Variants in PDE12 observed in about 807,000 individuals in gnomAD.
PDE12 encodes phosphodiesterase 12.
Under a neutral mutation model 45.4 loss-of-function variants are expected in PDE12, and 26 were observed. The ratio of observed to expected loss-of-function variants is 0.57; its 90% CI spans 0.42 to 0.79. The LOEUF is 0.79. Ranked by LOEUF, PDE12 falls within the 30% of genes least tolerant of loss-of-function variation. The pLI, the probability that PDE12 is intolerant of heterozygous loss-of-function variation, is 0.00. For synonymous variants in PDE12, 283 were observed against 323.9 expected (o/e 0.87, Z 1.36); for missense variants, 668 against 790.0 (o/e 0.85, Z 1.85).
the PDE12 span, among the ~76,000 whole-genome samples, chr3:57,603,403 CTT>C: frequency 2.0e-5 from 3 of 150,806 alleles, no homozygotes; most frequent in African/African-American, 7.3e-5. Context: ...AGTGGCATGA[CTT>C]TGGCTCACTA....
the PDE12 span, among the ~76,000 whole-genome samples, chr3:57,603,466 T>C: frequency 6.6e-6 from 1 of 151,452 alleles, no homozygotes; most frequent in Non-Finnish European, 1.5e-5. Flanking sequence ...GCCTCAAGAG[T>C]AGCTGGGACT....
At position 57,561,108 on chromosome 3, in the gene PDE12, G is replaced by C; in HGVS notation, c.*1104G>C. The C allele has an allele frequency of 4.1e-6, 4 of 984,572 alleles. No individual in the cohort carries two copies. The highest frequency in any genetic ancestry group is 4.8e-6 in the Non-Finnish European group (4 of 828,804). 61.0% of individuals were successfully genotyped at this position (984,572 alleles called of 1,614,324 possible). A position where few individuals can be genotyped will look rare whatever the true frequency, so the allele number is the denominator to read the frequency against. The stretch of plus-strand genomic sequence containing the variant: ...CACAATTTAGTATTCAAAGTGAGTA[G>C]CAACATATTCAACTTGATCCCATTG... On this transcript the variant is annotated 3_prime_UTR_variant, in exon 3 of 3. Transcript: ENST00000311180.
chr3:57,612,396 A>T, the PDE12 span, among the ~76,000 whole-genome samples: 10 of 152,140 alleles, frequency 6.6e-5, no homozygotes, highest in Non-Finnish European at 8.8e-5. Context: ...ATAATAATAA[A>T]AAAAGATGTA....
chr3:57,558,761 A>AGCACT (rs1437089357), intron 1 of PDE12, among the ~76,000 whole-genome samples: 2 of 150,982 alleles, frequency 1.3e-5, no homozygotes, highest in Admixed American at 1.3e-4. Flanking sequence ...AAGTGCTGGG[A>AGCACT]TTACAGGCGT....
In PDE12 at chr3:57,560,481, A is replaced by G. The variant is rs2069717320; in HGVS notation, c.*477A>G. 4.9e-6 allele frequency: 2 copies of G among 409,314 alleles called. No individual in the cohort carries two copies. Among genetic ancestry groups the G allele is most frequent in the Non-Finnish European group, 6.6e-6 (2 of 303,086 alleles). The allele number at this position is 409,314 out of a possible 1,614,324, so 25.4% of individuals were successfully genotyped here. The stretch of plus-strand genomic sequence containing the variant: ...GCTGGGATTACAGGCGTGCGCCAAC[A>G]TGTCTGGCTAATTTTTGTATTTTTA... On this transcript the variant is annotated 3_prime_UTR_variant, in exon 3 of 3. Coordinates refer to ENST00000311180, the MANE Select transcript of PDE12 (RefSeq NM_177966.7).
chr3:57,580,967 G>A, the PDE12 span, among the ~76,000 whole-genome samples: 1 of 152,078 alleles, frequency 6.6e-6, no homozygotes, highest in African/African-American at 2.4e-5. Context: ...TATTGAGAAG[G>A]AGAATTATTT....
chr3:57,559,534 C>T (rs1559777676), intron 2 of PDE12, 28 bp from the exon 3 acceptor site: 1 of 1,573,304 alleles, frequency 6.4e-7, no homozygotes, highest in Admixed American at 1.9e-5. Context: ...TTAAAAAATA[C>T]TTACATTAAT....
At chr3:57,652,393 T>C in the PDE12 span, among the ~76,000 whole-genome samples, 3 of 152,086 alleles carry the variant, frequency 2.0e-5, no homozygotes, top group East Asian at 3.9e-4. Context: ...GTAAGCCTTG[T>C]AGGGAAGCAG....
the PDE12 span, chr3:57,631,035 C>A: frequency 6.5e-7 from 1 of 1,546,548 alleles, no homozygotes; most frequent in African/African-American, 1.4e-5. Context: ...TTAAACAGAC[C>A]TACTTAAAAG....
At position 57,560,878 on chromosome 3, in the gene PDE12, C is replaced by T. The variant is rs1226312066; in HGVS notation, c.*874C>T. 4 of 984,912 alleles carry T rather than the reference C, an allele frequency of 4.1e-6. No individual in the cohort carries two copies. In the African/African-American group the frequency reaches 5.2e-5, roughly 13 times the overall value. 61.0% of individuals were successfully genotyped at this position (984,912 alleles called of 1,614,324 possible). On this transcript the variant is annotated 3_prime_UTR_variant, in exon 3 of 3. Coordinates refer to ENST00000311180, the MANE Select transcript of PDE12 (RefSeq NM_177966.7). Reference sequence around the variant, plus strand: ...TCTACCTCTACCTCAATTTAGTTAGCGATTTACTACAATTTCAGAGCTTTA... The same window carrying T: ...TCTACCTCTACCTCAATTTAGTTAGTGATTTACTACAATTTCAGAGCTTTA...
At position 57,562,023 on chromosome 3, in the gene PDE12, G is replaced by A. The variant is rs1490352242; in HGVS notation, c.*2019G>A. ...GCAGTTTACAAATATGTAAATAATAGATTAAAACCAAATCTTGATTCTCTT... is the reference window on the plus strand; with the variant it reads ...GCAGTTTACAAATATGTAAATAATAAATTAAAACCAAATCTTGATTCTCTT... On this transcript the variant is annotated 3_prime_UTR_variant, in exon 3 of 3. Coordinates refer to ENST00000311180, the MANE Select transcript of PDE12 (RefSeq NM_177966.7). 1.0e-6 allele frequency: 1 copy of A among 980,948 alleles called. No individual in the cohort carries two copies. Among genetic ancestry groups the A allele is most frequent in the East Asian group, 1.1e-4 (1 of 8,802 alleles). The allele number at this position is 980,948 out of a possible 1,614,324, so 60.8% of individuals were successfully genotyped here.
chr3:57,576,572 A>G, the PDE12 span, among the ~76,000 whole-genome samples: 1 of 150,342 alleles, frequency 6.7e-6, no homozygotes, highest in East Asian at 2.0e-4. Flanking sequence ...AAATCCAACA[A>G]TGACTTAGTT....
chr3:57,592,994 C>T, the PDE12 span, among the ~76,000 whole-genome samples: 1 of 152,056 alleles, frequency 6.6e-6, no homozygotes. Flanking sequence ...CTCTTGAGCC[C>T]AGGAGTTTGA....
the PDE12 span, among the ~76,000 whole-genome samples, chr3:57,609,628 A>G: frequency 6.6e-6 from 1 of 152,198 alleles, no homozygotes; most frequent in East Asian, 1.9e-4. Flanking sequence ...AAACTAGAAA[A>G]TCTAGAAGAA....
At chr3:57,578,874 A>G in the PDE12 span, among the ~76,000 whole-genome samples, 3 of 150,766 alleles carry the variant, frequency 2.0e-5, no homozygotes, top group African/African-American at 7.3e-5. Flanking sequence ...GAAAGTATAG[A>G]ATTTTCAGCT....
At chr3:57,569,367 ATTT>A (rs1240909847), downstream of PDE12, among the ~76,000 whole-genome samples, 3 of 152,030 alleles carry the variant, frequency 2.0e-5, no homozygotes, top group Admixed American at 6.6e-5. Flanking sequence ...TATTATTATT[ATTT>A]TGAGACGGAG....
At chr3:57,644,893 TGA>T in the PDE12 span, among the ~76,000 whole-genome samples, 732 of 149,244 alleles carry the variant, frequency 4.9e-3, 6 homozygotes, top group African/African-American at 0.017. Context: ...AGGGTATTGA[TGA>T]TCTGGCAAGA....
chr3:57,598,708 G>A, the PDE12 span, among the ~76,000 whole-genome samples: 1 of 152,160 alleles, frequency 6.6e-6, no homozygotes, highest in South Asian at 2.1e-4. Flanking sequence ...GTGAACCCGG[G>A]AGGCGGAGGT....
At chr3:57,599,546 A>C in the PDE12 span, among the ~76,000 whole-genome samples, 4 of 152,342 alleles carry the variant, frequency 2.6e-5, no homozygotes, top group Middle Eastern at 6.8e-3. Flanking sequence ...TCCAAATCTT[A>C]ATCCATGTTT....
Sources: gnomAD v4.1 joint callset for allele counts (sites outside exome capture counted in the v4.1 genomes callset) on GRCh38, gnomAD v4.1.1 for gene constraint, MANE v1.5 for transcripts, NCBI Gene and HGNC (gene_info 2026-07-23, HGNC 2026-07-21) for gene names.